The following MATN2 variants were observed in gnomAD, a reference collection of about 807,000 sequenced individuals.
The protein encoded by MATN2 is matrilin 2, also known as matrilin-2.
MATN2 carries 69 observed loss-of-function variants against 103.2 expected under a neutral mutation model. The ratio of observed to expected loss-of-function variants is 0.67; its 90% CI spans 0.55 to 0.82. The LOEUF is 0.82. Ranked by LOEUF, MATN2 falls within the 40% of genes least tolerant of loss-of-function variation. The probability of loss-of-function intolerance (pLI) is 0.00; values close to 1 mark genes in which losing one functional copy is unlikely to be tolerated. For synonymous variants in MATN2, 429 were observed against 450.2 expected, an observed-to-expected ratio of 0.95 and a Z score of 0.60; for missense variants, 1,023 against 1,211.5, an observed-to-expected ratio of 0.84 and a Z score of 2.31.
intron 2 of MATN2, among the ~76,000 whole-genome samples, chr8:97,891,663 C>G (rs1438536163): frequency 6.6e-6 from 1 of 151,982 alleles, no homozygotes; most frequent in South Asian, 2.1e-4. Context: ...TCCCAAATAA[C>G]TTTTGTTTGT....
At chr8:98,016,284 G>T (rs888199570) in intron 10 of MATN2, among the ~76,000 whole-genome samples, 32 of 152,058 alleles carry the variant, frequency 2.1e-4, no homozygotes, top group Non-Finnish European at 8.8e-5. Flanking sequence ...GAGATGGGAG[G>T]ATCACTTGAG....
intron 5 of MATN2, among the ~76,000 whole-genome samples, chr8:97,977,869 C>T (rs78269690): frequency 0.038 from 5,799 of 152,208 alleles, 353 homozygotes; most frequent in African/African-American, 0.13. Flanking sequence ...CAGATATCCT[C>T]ACGGCTCGTA....
At chr8:97,977,234 T>A (rs1401223774) in intron 5 of MATN2, among the ~76,000 whole-genome samples, 1 of 36,506 alleles carries the variant, frequency 2.7e-5, no homozygotes, top group Admixed American at 4.9e-4. Flanking sequence ...AGACCCTGTC[T>A]CAAAAAAAAA....
At position 98,007,435 on chromosome 8, in the gene MATN2, A is replaced by G; in HGVS notation, c.1451-44A>G. On this transcript the variant is annotated intron_variant, in intron 9 of 18. Transcript: ENST00000254898. This position sits in a 1 kb window ranked among gnomAD's most constrained non-coding sequence, Gnocchi z 4.2. Reference sequence around the variant, plus strand: ...TCACTTGATCCAATCACTGTCGCCCAGAGGTCTCACTGATAAAGGGCTGCC... The same window carrying G: ...TCACTTGATCCAATCACTGTCGCCCGGAGGTCTCACTGATAAAGGGCTGCC... The G allele has an allele frequency of 6.3e-7, 1 of 1,595,724 alleles. No individual in the cohort carries two copies.
At chr8:98,006,168 G>A (rs956561347) in intron 8 of MATN2, among the ~76,000 whole-genome samples, 22 of 152,196 alleles carry the variant, frequency 1.4e-4, no homozygotes, top group Admixed American at 2.6e-4. Flanking sequence ...TGCAGCATTC[G>A]GATGCCAGGA....
At chr8:97,893,839 G>A (rs1470113276) in intron 2 of MATN2, among the ~76,000 whole-genome samples, 1 of 152,092 alleles carries the variant, frequency 6.6e-6, no homozygotes, top group African/African-American at 2.4e-5. Flanking sequence ...CGCCGCACCC[G>A]GCCCCCAGTG....
chr8:97,976,961 G>A (rs117486102), intron 5 of MATN2, among the ~76,000 whole-genome samples: 14,027 of 152,082 alleles, frequency 0.092, 912 homozygotes, highest in Admixed American at 0.2. Context: ...GGCCAGGCAC[G>A]GTGGCTCATG....
chr8:97,898,597 CAAAA>C (rs1272617710), intron 2 of MATN2, among the ~76,000 whole-genome samples: 4 of 92,186 alleles, frequency 4.3e-5, no homozygotes, highest in Admixed American at 1.2e-4. Flanking sequence ...AACTCCTTCT[CAAAA>C]AAAAAAAAAA....
intron 1 of MATN2, among the ~76,000 whole-genome samples, chr8:97,875,585 AACT>A (rs1818040148): frequency 6.6e-6 from 1 of 151,998 alleles, no homozygotes; most frequent in South Asian, 2.1e-4. Flanking sequence ...CCCCTAAGGC[AACT>A]ACTATTTTAC....
chr8:97,875,582 G>A (rs1376509266), intron 1 of MATN2, among the ~76,000 whole-genome samples: 2 of 151,782 alleles, frequency 1.3e-5, no homozygotes, highest in South Asian at 2.1e-4. Flanking sequence ...CTTCCCCTAA[G>A]GCAACTACTA....
At chr8:98,034,737 A>T (rs1417141812) in intron 18 of MATN2, among the ~76,000 whole-genome samples, 2 of 152,186 alleles carry the variant, frequency 1.3e-5, no homozygotes, top group Non-Finnish European at 2.9e-5. Flanking sequence ...GGCCTTATGT[A>T]GCATCATGGT....
chr8:98,036,566 T>C lies in MATN2; in HGVS notation c.*854T>C, dbSNP rs917389328. ...ACATACAAAGAGACCTGCATAAGAA[T>C]GTTACTAGGCTTTGTAAAAGCAAAA... On this transcript the variant is annotated 3_prime_UTR_variant, in exon 19 of 19. Coordinates refer to ENST00000254898, the MANE Select transcript of MATN2 (RefSeq NM_002380.5). The C allele has an allele frequency of 6.6e-6, 1 of 152,190 alleles. No individual in the cohort carries two copies. Among genetic ancestry groups the C allele is most frequent in the Non-Finnish European group, 1.5e-5 (1 of 68,042 alleles). The allele number at this position is 152,190 out of a possible 1,614,324, so 9.4% of individuals were successfully genotyped here. A position where few individuals can be genotyped will look rare whatever the true frequency, so the allele number is the denominator to read the frequency against.
Position 98,027,681 on chromosome 8 carries a change from G to A in MATN2, c.2208G>A (p.Leu736=). ...TGGGAAAGGGCTCTATGACTGGGCT[G>A]GCCCTGAAACACATGTTTGAGAGAA... ...KYMGKGSMTG[L]ALKHMFERSF... The change falls in exon 14 of 19, where the codon CTG becomes CTA. Residue 736 remains leucine, a synonymous_variant. Transcript: ENST00000254898. 1.2e-6 allele frequency: 2 copies of A among 1,613,932 alleles called. No homozygotes were observed. The highest frequency in any genetic ancestry group is 1.7e-6 in the Non-Finnish European group (2 of 1,179,868).
intron 18 of MATN2, 57 bp downstream of exon 18, chr8:98,033,716 TCACA>T: frequency 9.0e-7 from 1 of 1,113,674 alleles, no homozygotes; most frequent in Non-Finnish European, 1.3e-6. Context: ...TATCAAAACT[TCACA>T]CACTCTATGT....
intron 1 of MATN2, among the ~76,000 whole-genome samples, chr8:97,869,921 T>G (rs1215681460): frequency 6.6e-6 from 1 of 152,104 alleles, no homozygotes; most frequent in Non-Finnish European, 1.5e-5. Flanking sequence ...CACAGGAAAG[T>G]GCTCTCCTCA....
intron 1 of MATN2, among the ~76,000 whole-genome samples, chr8:97,876,775 C>G (rs1222860686): frequency 1.3e-5 from 2 of 152,150 alleles, no homozygotes; most frequent in African/African-American, 4.8e-5. Flanking sequence ...CAGGCTCTTT[C>G]TGTGCACTAA....
At chr8:97,977,288 G>A (rs1313467435) in intron 5 of MATN2, among the ~76,000 whole-genome samples, 1 of 139,344 alleles carries the variant, frequency 7.2e-6, no homozygotes, top group Non-Finnish European at 1.5e-5. Context: ...GATTCCCAAT[G>A]TTGGAGGTGG....
At chr8:98,012,607 G>A (rs1563725833) in intron 10 of MATN2, among the ~76,000 whole-genome samples, 1 of 152,142 alleles carries the variant, frequency 6.6e-6, no homozygotes, top group African/African-American at 2.4e-5. Flanking sequence ...TGGGGACGCC[G>A]GCGGGACACA....
intron 6 of MATN2, among the ~76,000 whole-genome samples, chr8:97,992,754 A>AAAAAAAAAAAAAAC (rs1812437717): frequency 7.4e-6 from 1 of 136,054 alleles, no homozygotes; most frequent in Non-Finnish European, 1.6e-5. Flanking sequence ...TCAAAAAAAA[A>AAAAAAAAAAAAAAC]AAAAAAAAAA....
Sources: allele counts gnomAD v4.1 joint callset (sites outside exome capture counted in the v4.1 genomes callset), GRCh38; gene constraint gnomAD v4.1.1; non-coding constraint Gnocchi (gnomAD v3.1); transcripts MANE v1.5; gene names NCBI Gene and HGNC (gene_info 2026-07-23, HGNC 2026-07-21).